The following ARHGAP42 variants were observed in gnomAD, a reference collection of about 807,000 sequenced individuals.
The protein encoded by ARHGAP42 is rho GTPase-activating protein 42.
Under a neutral mutation model 125.0 loss-of-function variants are expected in ARHGAP42, and 63 were observed. The observed-to-expected ratio is 0.50, with a 90% CI of 0.41 to 0.62. The LOEUF (loss-of-function observed/expected upper bound fraction) is 0.62, where lower values mean the gene tolerates loss of function less well. Ranked by LOEUF, ARHGAP42 falls within the 20% of genes least tolerant of loss-of-function variation. ARHGAP42 has a pLI of 0.00. For synonymous variants in ARHGAP42, 339 were observed against 351.0 expected, an observed-to-expected ratio of 0.97 and a Z score of 0.38; for missense variants, 766 against 1,024.2, an observed-to-expected ratio of 0.75 and a Z score of 3.44.
chr11:100,753,915 CTT>C (rs998328489), intron 1 of ARHGAP42, among the ~76,000 whole-genome samples: 1 of 152,206 alleles, frequency 6.6e-6, no homozygotes, highest in African/African-American at 2.4e-5. Flanking sequence ...TTCAAAGAGT[CTT>C]TGGTTTCTTC....
At chr11:100,895,877 CATGTGCACAACGTGTA>C (rs1171120553) in intron 4 of ARHGAP42, among the ~76,000 whole-genome samples, 2 of 152,028 alleles carry the variant, frequency 1.3e-5, no homozygotes, top group East Asian at 3.9e-4. Context: ...TTCTAGGGTA[CATGTGCACAACGTGTA>C]GGATTGTTAC....
At chr11:100,693,199 C>T (rs1266132835) in intron 1 of ARHGAP42, among the ~76,000 whole-genome samples, 7 of 150,334 alleles carry the variant, frequency 4.7e-5, no homozygotes, top group Admixed American at 3.3e-4. Context: ...TCGCAGATTC[C>T]TGTTTGTTTT....
intron 1 of ARHGAP42, among the ~76,000 whole-genome samples, chr11:100,711,360 TTCTC>T (rs919003236): frequency 2.0e-5 from 3 of 152,178 alleles, no homozygotes; most frequent in African/African-American, 7.2e-5. Context: ...AATGAGAATC[TTCTC>T]TGTTTGTTTT....
chr11:100,979,259 A>C (rs1419606076), intron 22 of ARHGAP42, among the ~76,000 whole-genome samples: 1 of 152,218 alleles, frequency 6.6e-6, no homozygotes, highest in East Asian at 1.9e-4. Flanking sequence ...AAATCTTCAC[A>C]GTAGAAGGGC....
chr11:100,963,456 T>A (rs570295589), intron 16 of ARHGAP42, among the ~76,000 whole-genome samples: 37 of 152,332 alleles, frequency 2.4e-4, no homozygotes, highest in African/African-American at 8.4e-4. Flanking sequence ...ATGTATGAGG[T>A]GTGACTACAA....
Position 100,914,736 on chromosome 11 carries a change from C to G in ARHGAP42, c.486+1183C>G, listed in dbSNP as rs539316503. Among the ~76,000 whole-genome samples the G allele has an allele frequency of 2.0e-5, 3 of 152,260 alleles. No individual in the cohort carries two copies. In the South Asian group the frequency reaches 6.2e-4, roughly 32 times the overall value. The stretch of plus-strand genomic sequence containing the variant: ...TGTAGTCCAGAGCCTCTCTCCTGAT[C>G]CTTCTGCTAGGAAAACCTCCTCCCT... On this transcript the variant is annotated intron_variant, in intron 5 of 23. Transcript: ENST00000298815.
At chr11:100,720,205 T>C (rs927498799) in intron 1 of ARHGAP42, among the ~76,000 whole-genome samples, 1 of 152,188 alleles carries the variant, frequency 6.6e-6, no homozygotes, top group African/African-American at 2.4e-5. Context: ...ATCCAGTAAG[T>C]CACTCCTTAA....
chr11:100,778,163 AC>A (rs1863175431), intron 2 of ARHGAP42, among the ~76,000 whole-genome samples: 1 of 150,950 alleles, frequency 6.6e-6, no homozygotes, highest in South Asian at 2.1e-4. Flanking sequence ...ACATGTTGAG[AC>A]CCTGTCTCTT....
chr11:100,817,537 G>T (rs1477100480), intron 3 of ARHGAP42, among the ~76,000 whole-genome samples: 1 of 152,090 alleles, frequency 6.6e-6, no homozygotes, highest in African/African-American at 2.4e-5. Flanking sequence ...TTCAGATGAA[G>T]TATTTGTGCA....
chr11:100,809,741 G>C (rs1864091396), intron 3 of ARHGAP42, among the ~76,000 whole-genome samples: 1 of 152,148 alleles, frequency 6.6e-6, no homozygotes, highest in African/African-American at 2.4e-5. Flanking sequence ...GATCGCATGA[G>C]CCCAGAAGTT....
In ARHGAP42 at chr11:100,992,355, C is replaced by G; in HGVS notation, c.*3554C>G. 1 of 1,613,220 alleles carries G rather than the reference C, an allele frequency of 6.2e-7. No homozygotes were observed. Among genetic ancestry groups the G allele is most frequent in the Non-Finnish European group, 8.5e-7 (1 of 1,179,540 alleles). ...GGACCCGGAAATCACATCTCCTGGT[C>G]AGGTCACGAAAAAGAACACAGGCTT... On this transcript the variant is annotated 3_prime_UTR_variant, in exon 24 of 24. Transcript: ENST00000298815.
chr11:100,989,311 G>GT lies in ARHGAP42; in HGVS notation c.*511dup, dbSNP rs1858769825. ...TGCTGGTCCTAAACATTTCAAGGAT[G>GT]TAAGTCTTTGTTTTAATATAACTTT... On this transcript the variant is annotated 3_prime_UTR_variant, in exon 24 of 24. Coordinates refer to ENST00000298815, the MANE Select transcript of ARHGAP42 (RefSeq NM_152432.4). The GT allele has an allele frequency of 5.1e-6, 2 of 392,316 alleles. No individual in the cohort carries two copies. 24.3% of individuals were successfully genotyped at this position (392,316 alleles called of 1,614,324 possible). A position where few individuals can be genotyped will look rare whatever the true frequency, so the allele number is the denominator to read the frequency against.
intron 10 of ARHGAP42, among the ~76,000 whole-genome samples, chr11:100,945,462 G>A (rs1867991449): frequency 6.6e-6 from 1 of 152,084 alleles, no homozygotes; most frequent in African/African-American, 2.4e-5. Flanking sequence ...AGATCCATTA[G>A]AGGAATCACT....
chr11:100,756,447 C>T (rs1337723128), intron 1 of ARHGAP42, among the ~76,000 whole-genome samples: 1 of 151,998 alleles, frequency 6.6e-6, no homozygotes, highest in Non-Finnish European at 1.5e-5. Context: ...AATATATGAA[C>T]TGTAGTAAAT....
At chr11:100,818,955 A>C (rs1056389224) in intron 3 of ARHGAP42, among the ~76,000 whole-genome samples, 3 of 152,122 alleles carry the variant, frequency 2.0e-5, no homozygotes, top group Non-Finnish European at 2.9e-5. Flanking sequence ...TAGGGAAAAA[A>C]TGGGTTATGT....
chr11:100,981,643 T>C (rs1252955209), intron 22 of ARHGAP42, among the ~76,000 whole-genome samples: 1 of 152,166 alleles, frequency 6.6e-6, no homozygotes, highest in Non-Finnish European at 1.5e-5. Flanking sequence ...ATCTAATCTA[T>C]GATGCACCAG....
chr11:100,922,814 T>G (rs1412675825), intron 6 of ARHGAP42, among the ~76,000 whole-genome samples: 1 of 152,180 alleles, frequency 6.6e-6, no homozygotes, highest in Non-Finnish European at 1.5e-5. Flanking sequence ...TCTTCCTTTA[T>G]TTGGAGCCTA....
chr11:100,806,531 A>G (rs666874), intron 3 of ARHGAP42, among the ~76,000 whole-genome samples: 19 of 152,206 alleles, frequency 1.2e-4, no homozygotes, highest in Admixed American at 1.3e-4. Context: ...AACTTTAATT[A>G]GAAACAAATT....
intron 1 of ARHGAP42, among the ~76,000 whole-genome samples, chr11:100,742,265 G>C (rs1339270128): frequency 6.6e-6 from 1 of 152,168 alleles, no homozygotes; most frequent in East Asian, 1.9e-4. Context: ...TGTCAAACTG[G>C]CATCAGTGTC....
Sources: allele counts gnomAD v4.1 joint callset (sites outside exome capture counted in the v4.1 genomes callset), GRCh38; gene constraint gnomAD v4.1.1; transcripts MANE v1.5; gene names NCBI Gene and HGNC (gene_info 2026-07-23, HGNC 2026-07-21).